AMH: variants seen among roughly 807,000 people sequenced by gnomAD.
AMH encodes the protein anti-Muellerian hormone.
AMH carries 39 observed loss-of-function variants against 33.3 expected under a neutral mutation model. The observed-to-expected ratio is 1.17, with a 90% CI of 0.91 to 1.53. The LOEUF (loss-of-function observed/expected upper bound fraction) is 1.53, where lower values mean the gene tolerates loss of function less well. AMH is among the 40% of genes most tolerant of loss of function. The pLI, the probability that AMH is intolerant of heterozygous loss-of-function variation, is 0.00. For missense variants in AMH, 1,019 were observed against 799.8 expected (o/e 1.27, Z -3.30); for synonymous variants, 536 against 403.0 (o/e 1.33, Z -3.95).
rs1005876499 is a variant in AMH, at chr19:2,249,989, C to T, written c.412+245C>T. The T allele has an allele frequency of 9.6e-6, 6 of 622,482 alleles. No individual in the cohort carries two copies. In the African/African-American group the frequency reaches 1.1e-4, roughly 11 times the overall value. 38.6% of individuals were successfully genotyped at this position (622,482 alleles called of 1,614,324 possible). Reference sequence around the variant, plus strand: ...AGGGAGAGAGCTGCTGCCTTCTCCCCACCCCTGAAGACGACGCAGGGCTCG... The same window carrying T: ...AGGGAGAGAGCTGCTGCCTTCTCCCTACCCCTGAAGACGACGCAGGGCTCG... On this transcript the variant is annotated intron_variant, in intron 1 of 4. Transcript: ENST00000221496.
Position 2,249,723 on chromosome 19 carries a change from G to A in AMH, c.391G>A (p.Val131Met). The A allele has an allele frequency of 6.6e-7, 1 of 1,508,154 alleles. No homozygotes were observed. The highest frequency in any genetic ancestry group is 8.8e-7 in the Non-Finnish European group (1 of 1,134,112). 93.4% of individuals were successfully genotyped at this position (1,508,154 alleles called of 1,614,324 possible). Residue 131 changes from valine (V) to methionine (M), a missense_variant, in exon 1 of 5, where the codon GTG (valine) becomes ATG (methionine). By Grantham distance (21) the Val-to-Met change is conservative. Transcript: ENST00000221496. ...WLRDPGGQRLVVLHLEEVTWE... is the reference protein window; with the variant it reads ...WLRDPGGQRLMVLHLEEVTWE... ...GCGGGACCCTGGGGGGCAGCGCCTGGTGGTCCTACACCTGGAGGAAGGTAT... is the reference window on the plus strand; with the variant it reads ...GCGGGACCCTGGGGGGCAGCGCCTGATGGTCCTACACCTGGAGGAAGGTAT...
rs371130597 is a variant in AMH at position 2,249,678 on chromosome 19, C to T, written c.346C>T (p.Arg116Trp). The T allele has an allele frequency of 4.7e-5, 71 of 1,504,328 alleles. No homozygotes were observed. Among genetic ancestry groups the T allele is most frequent in the East Asian group, 9.3e-5 (4 of 43,098 alleles). The allele number at this position is 1,504,328 out of a possible 1,614,324, so 93.2% of individuals were successfully genotyped here. A position where few individuals can be genotyped will look rare whatever the true frequency, so the allele number is the denominator to read the frequency against. ...GDRQAALPSL[R>W]RLGAWLRDPG... is the part of the protein sequence containing the mutation. The stretch of plus-strand genomic sequence containing the variant: ...CAGGCAGGCTGCCTTGCCCTCTCTA[C>T]GGCGGCTGGGGGCCTGGCTGCGGGA... Residue 116 changes from arginine to tryptophan, a missense_variant, in exon 1 of 5, where the codon CGG (arginine) becomes TGG (tryptophan). Coordinates refer to ENST00000221496, the MANE Select transcript of AMH (RefSeq NM_000479.5).
Position 2,251,831 on chromosome 19 carries a change from C to A in AMH, c.1557C>A (p.Ala519=). 6.2e-7 allele frequency: 1 copy of A among 1,600,864 alleles called. No homozygotes were observed. The change falls in exon 5 of 5, where the codon GCC becomes GCA. Residue 519 remains alanine, a synonymous_variant. Coordinates refer to ENST00000221496, the MANE Select transcript of AMH (RefSeq NM_000479.5). ...TGAAGATGCAGGTCCGTGGGGCCGC[C>A]CTGGCGCGCCCACCCTGCTGCGTGC... is the stretch of plus-strand genomic sequence containing the variant. ...LLLKMQVRGA[A]LARPPCCVPT...
At position 2,251,775 on chromosome 19, in the gene AMH, C is replaced by T. The variant is rs1275181985; in HGVS notation, c.1501C>T (p.Pro501Ser). Residue 501 changes from proline to serine, a missense_variant, in exon 5 of 5, where the codon CCG becomes TCG. By Grantham distance (74) the Pro-to-Ser change is moderately conservative. Coordinates refer to ENST00000221496, the MANE Select transcript of AMH (RefSeq NM_000479.5). ...CGGCTGGCCTCAGTCCGACCGCAAC[C>T]CGCGCTACGGCAACCACGTGGTGCT... ...VCGWPQSDRN[P>S]RYGNHVVLLL... The T allele has an allele frequency of 6.2e-7, 1 of 1,610,854 alleles. No homozygotes were observed. The highest frequency in any genetic ancestry group is 8.5e-7 in the Non-Finnish European group (1 of 1,179,574).
At chr19:2,250,265 G>A (rs1042494885) in intron 1 of AMH, 72 bp from the exon 2 acceptor site, 3 of 1,542,542 alleles carry the variant, frequency 1.9e-6, no homozygotes, top group African/African-American at 1.4e-5. Context: ...AGAGCGGCAG[G>A]GACAGATCCC....
chr19:2,249,490 CT>C lies in AMH; in HGVS notation c.159del (p.Leu54CysfsTer23). 6.2e-7 allele frequency: 1 copy of C among 1,607,324 alleles called. No individual in the cohort carries two copies. The highest frequency in any genetic ancestry group is 8.5e-7 in the Non-Finnish European group (1 of 1,177,936). On this transcript the variant is annotated frameshift_variant, in exon 1 of 5. Coordinates refer to ENST00000221496, the MANE Select transcript of AMH (RefSeq NM_000479.5). LOFTEE classifies it high-confidence loss of function. ...LDWPPGSPQE[P>X]LCLVALGGDS... ...TGGCCTCCAGGCAGCCCACAAGAGC[CT>C]CTGTGCCTGGTGGCACTGGGCGGGG...
chr19:2,251,768 C>T lies in AMH; in HGVS notation c.1494C>T (p.Asp498=). Residue 498 remains aspartate, a synonymous_variant, in exon 5 of 5, where the codon GAC becomes GAT. Coordinates refer to ENST00000221496, the MANE Select transcript of AMH (RefSeq NM_000479.5). ...GCGTGTGCGGCTGGCCTCAGTCCGA[C>T]CGCAACCCGCGCTACGGCAACCACG... ...CQGVCGWPQS[D]RNPRYGNHVV... 1 of 1,611,080 alleles carries T rather than the reference C, an allele frequency of 6.2e-7. No homozygotes were observed. The highest frequency in any genetic ancestry group is 8.5e-7 in the Non-Finnish European group (1 of 1,179,584).
intron 2 of AMH, 31 bp from the exon 3 acceptor site, chr19:2,250,621 A>G: frequency 6.5e-7 from 1 of 1,537,688 alleles, no homozygotes; most frequent in Non-Finnish European, 8.7e-7. Context: ...GTAAGCCTCC[A>G]TCCAGCCGGG....
In AMH at chr19:2,251,123, G is replaced by T; in HGVS notation, c.849G>T (p.Ser283=). ...GGCCATCCGCGGAACTCGAGGAGTC[G>T]CCACCCAGCGCAGACCCCTTCCTGG... ...PPRPSAELEE[S]PPSADPFLET... The change falls in exon 5 of 5, where the codon TCG becomes TCT. Residue 283 remains serine (S), a synonymous_variant. Transcript: ENST00000221496. 1 of 1,540,416 alleles carries T rather than the reference G, an allele frequency of 6.5e-7. No homozygotes were observed. Among genetic ancestry groups the T allele is most frequent in the Non-Finnish European group, 8.7e-7 (1 of 1,150,330 alleles).
At position 2,249,355 on chromosome 19, in the gene AMH, GC is replaced by G. The variant is rs1269596532; in HGVS notation, c.25del (p.Leu9TrpfsTer3). Reference sequence around the variant, plus strand: ...ACGATGCGGGACCTGCCTCTCACCAGCCTGGCCCTAGTGCTGTCTGCCCTGG... The same window carrying G: ...ACGATGCGGGACCTGCCTCTCACCAGCTGGCCCTAGTGCTGTCTGCCCTGG... MRDLPLTSLALVLSALGA... is the reference protein window; with the variant it reads MRDLPLTXLALVLSALGA... On this transcript the variant is annotated frameshift_variant, in exon 1 of 5. Transcript: ENST00000221496. LOFTEE classifies it high-confidence loss of function. 9 of 1,578,670 alleles carry G rather than the reference GC, an allele frequency of 5.7e-6. No homozygotes were observed. In the African/African-American group the frequency reaches 1.2e-4, roughly 21 times the overall value.
At position 2,251,821 on chromosome 19, in the gene AMH, G is replaced by A; in HGVS notation, c.1547G>A (p.Arg516His). 6.2e-7 allele frequency: 1 copy of A among 1,603,672 alleles called. No homozygotes were observed. Among genetic ancestry groups the A allele is most frequent in the East Asian group, 2.2e-5 (1 of 44,738 alleles). ...HVVLLLKMQV[R>H]GAALARPPCC... ...GTGCTGCTGCTGAAGATGCAGGTCC[G>A]TGGGGCCGCCCTGGCGCGCCCACCC... The change falls in exon 5 of 5, where the codon CGT becomes CAT. Residue 516 changes from arginine to histidine, a missense_variant. Physicochemically the swap from Arg to His is conservative, Grantham distance 29. Transcript: ENST00000221496.
In AMH at chr19:2,250,783, G is replaced by A. The variant is rs2025023639; in HGVS notation, c.664+23G>A. Reference sequence around the variant, plus strand: ...AGGGTAGGTCCGCGTGGAGAGGGACGGGGAGCCGGGTCGACTGCCCCCGGG... The same window carrying A: ...AGGGTAGGTCCGCGTGGAGAGGGACAGGGAGCCGGGTCGACTGCCCCCGGG... On this transcript the variant is annotated intron_variant, in intron 3 of 4. Transcript: ENST00000221496. The A allele has an allele frequency of 5.9e-6, 9 of 1,535,236 alleles. No homozygotes were observed. The East Asian group carries it at 1.9e-4, about 33-fold the overall frequency.
rs1237964109 is a variant in AMH, at chr19:2,250,807, G to A, written c.665-42G>A. ...CGGGGAGCCGGGTCGACTGCCCCCG[G>A]GCCCCCAGCCCCTGAGCCAGCCGCG... On this transcript the variant is annotated intron_variant, in intron 3 of 4. Transcript: ENST00000221496. 5.2e-6 allele frequency: 8 copies of A among 1,539,490 alleles called. No homozygotes were observed. In the East Asian group the frequency reaches 1.9e-4, roughly 37 times the overall value.
chr19:2,251,548 T>A lies in AMH; in HGVS notation c.1274T>A (p.Leu425Gln), dbSNP rs1487015521. 6 of 1,336,398 alleles carry A rather than the reference T, an allele frequency of 4.5e-6. No homozygotes were observed. The highest frequency in any genetic ancestry group is 4.8e-6 in the Non-Finnish European group (5 of 1,045,906). 82.8% of individuals were successfully genotyped at this position (1,336,398 alleles called of 1,614,324 possible). A position where few individuals can be genotyped will look rare whatever the true frequency, so the allele number is the denominator to read the frequency against. ...GGCCTCGGCGATCCCCTGCGAGCGC[T>A]GCTGCTCCTGAAGGCGCTGCAGGGC... is the stretch of plus-strand genomic sequence containing the variant. Reference protein sequence around the residue: ...PGGLGDPLRALLLLKALQGLR... With the variant: ...PGGLGDPLRAQLLLKALQGLR... The change falls in exon 5 of 5, where the codon CTG becomes CAG. Residue 425 changes from leucine (L) to glutamine (Q), a missense_variant. Transcript: ENST00000221496.
Position 2,250,848 on chromosome 19 carries a change from G to C in AMH, c.665-1G>C. ...GCCAGCCGCGTGCCCACCCACCGCA[G>C]ACTCCCGGCTGAGTACCGCCCGGCT... On this transcript the variant is annotated splice_acceptor_variant, in intron 3 of 4. Transcript: ENST00000221496. LOFTEE classifies it high-confidence loss of function. 1 of 1,564,522 alleles carries C rather than the reference G, an allele frequency of 6.4e-7. No individual in the cohort carries two copies. Among genetic ancestry groups the C allele is most frequent in the Non-Finnish European group, 8.6e-7 (1 of 1,163,532 alleles).
At position 2,250,191 on chromosome 19, in the gene AMH, G is replaced by A. The variant is rs7258657; in HGVS notation, c.413-146G>A. ...CTGCCCCTGCCGTCACCGCTCCCTGGCTGCAGGAAGGCAGCTAAGAGGGGC... is the reference window on the plus strand; with the variant it reads ...CTGCCCCTGCCGTCACCGCTCCCTGACTGCAGGAAGGCAGCTAAGAGGGGC... On this transcript the variant is annotated intron_variant, in intron 1 of 4. Transcript: ENST00000221496. The A allele has an allele frequency of 6.0e-4, 814 of 1,351,302 alleles. 6 individuals carry two copies. In the African/African-American group the frequency reaches 0.011, roughly 17 times the overall value. The allele number at this position is 1,351,302 out of a possible 1,614,324, so 83.7% of individuals were successfully genotyped here.
rs2025058834 is a variant in AMH at position 2,252,029 on chromosome 19, T to C, written c.*72T>C. 6.6e-7 allele frequency: 1 copy of C among 1,519,810 alleles called. No homozygotes were observed. Among genetic ancestry groups the C allele is most frequent in the Non-Finnish European group, 8.8e-7 (1 of 1,136,458 alleles). The allele number at this position is 1,519,810 out of a possible 1,614,324, so 94.1% of individuals were successfully genotyped here. The stretch of plus-strand genomic sequence containing the variant: ...AGCTCGCGCCCCTTCCCATATTTAT[T>C]CGGACCCCAAGCATCGCCCCAATAA... On this transcript the variant is annotated 3_prime_UTR_variant, in exon 5 of 5. Coordinates refer to ENST00000221496, the MANE Select transcript of AMH (RefSeq NM_000479.5).
At chr19:2,249,926 C>T (rs148725906) in intron 1 of AMH, 182 bp downstream of exon 1, 80 of 736,864 alleles carry the variant, frequency 1.1e-4, no homozygotes, top group Admixed American at 5.1e-4. Flanking sequence ...GTCCTGTCCC[C>T]GAAGCCCAGC....
In AMH at chr19:2,252,049, C is replaced by T; in HGVS notation, c.*92C>T. On this transcript the variant is annotated 3_prime_UTR_variant, in exon 5 of 5. Transcript: ENST00000221496. ...TTTATTCGGACCCCAAGCATCGCCC[C>T]AATAAAGACCAGCAAGCAACCGGCT... 1 of 1,497,516 alleles carries T rather than the reference C, an allele frequency of 6.7e-7. No individual in the cohort carries two copies. Among genetic ancestry groups the T allele is most frequent in the Non-Finnish European group, 8.9e-7 (1 of 1,119,140 alleles). The allele number at this position is 1,497,516 out of a possible 1,614,324, so 92.8% of individuals were successfully genotyped here.
Sources: gnomAD v4.1 joint callset for allele counts on GRCh38, gnomAD v4.1.1 for gene constraint, MANE v1.5 for transcripts, NCBI Gene and HGNC (gene_info 2026-07-23, HGNC 2026-07-21) for gene names.